MEGF11: variants seen among roughly 807,000 people sequenced by gnomAD.
MEGF11 encodes multiple epidermal growth factor-like domains protein 11.
In MEGF11, 126 loss-of-function variants were observed where a neutral mutation model predicts 146.6. The ratio of observed to expected loss-of-function variants is 0.86; its 90% CI spans 0.74 to 1.00. The LOEUF (loss-of-function observed/expected upper bound fraction) is 1.00, where lower values mean the gene tolerates loss of function less well. Ranked by LOEUF, MEGF11 falls within the 50% of genes least tolerant of loss-of-function variation. MEGF11 has a pLI of 0.00. For synonymous variants in MEGF11, 532 were observed against 583.4 expected (o/e 0.91, Z 1.27); for missense variants, 1,509 against 1,521.2 (o/e 0.99, Z 0.13).
Position 66,200,961 on chromosome 15 carries a change from T to C in MEGF11, c.-9+52644A>G, listed in dbSNP as rs574458334. Among the ~76,000 whole-genome samples the C allele has an allele frequency of 7.4e-4, 112 of 151,896 alleles. 1 individual carries two copies. Among genetic ancestry groups the C allele is most frequent in the African/African-American group, 2.6e-3 (108 of 41,402 alleles). ...AGCCCTCCCCACTGCCAAACAGAAG[T>C]ATTCAGACACGAGCCCAAGGCCAGA... On this transcript the variant is annotated intron_variant, in intron 1 of 25. Coordinates refer to ENST00000395614, the MANE Select transcript of MEGF11 (RefSeq NM_001385028.1).
intron 4 of MEGF11, among the ~76,000 whole-genome samples, chr15:66,096,442 G>A (rs2140704460): frequency 6.6e-6 from 1 of 152,390 alleles, no homozygotes; most frequent in East Asian, 1.9e-4. Flanking sequence ...TGGCCTCTCA[G>A]ACAGGGAGGA....
chr15:66,019,533 C>T (rs1201582963), intron 5 of MEGF11, among the ~76,000 whole-genome samples: 1 of 152,252 alleles, frequency 6.6e-6, no homozygotes, highest in East Asian at 1.9e-4. Flanking sequence ...CAGCACAAGC[C>T]TCTCCTCCAG....
chr15:65,973,679 TG>T (rs2081365105), intron 7 of MEGF11, among the ~76,000 whole-genome samples: 1 of 152,070 alleles, frequency 6.6e-6, no homozygotes, highest in African/African-American at 2.4e-5. Flanking sequence ...ATAACTCCAC[TG>T]GGAGGGTGGG....
chr15:65,912,031 G>A, intron 21 of MEGF11, 51 bp downstream of exon 21: 1 of 1,057,704 alleles, frequency 9.5e-7, no homozygotes, highest in Non-Finnish European at 1.2e-6. Flanking sequence ...CAGAGGTGAG[G>A]GTTAAATGAG....
At chr15:66,159,870 C>T (rs182453183) in intron 1 of MEGF11, among the ~76,000 whole-genome samples, 27 of 152,126 alleles carry the variant, frequency 1.8e-4, no homozygotes, top group Admixed American at 6.5e-4. Flanking sequence ...GAGGGTGCAG[C>T]GGTCACCACA....
intron 5 of MEGF11, among the ~76,000 whole-genome samples, chr15:66,039,981 G>A (rs1269394281): frequency 6.8e-6 from 1 of 146,166 alleles, no homozygotes; most frequent in Non-Finnish European, 1.5e-5. Context: ...GTGGGGTGAC[G>A]GTCCTGAGCC....
intron 9 of MEGF11, among the ~76,000 whole-genome samples, chr15:65,963,686 T>C (rs753590142): frequency 1.3e-5 from 2 of 152,226 alleles, no homozygotes; most frequent in Non-Finnish European, 2.9e-5. Context: ...GAATGAATGC[T>C]CAGGTCATGG....
At chr15:66,010,200 C>CT (rs112970231) in intron 5 of MEGF11, among the ~76,000 whole-genome samples, 127,702 of 137,538 alleles carry the variant, frequency 0.93, 59,720 homozygotes, top group East Asian at 1. Flanking sequence ...CTCATAATTT[C>CT]TTTTTTTTTT....
chr15:66,154,594 T>G (rs1248468731), intron 1 of MEGF11, among the ~76,000 whole-genome samples: 1 of 152,210 alleles, frequency 6.6e-6, no homozygotes, highest in Non-Finnish European at 1.5e-5. Flanking sequence ...TTACTGGGAT[T>G]GTATTTATTT....
intron 1 of MEGF11, among the ~76,000 whole-genome samples, chr15:66,170,219 T>C (rs566546009): frequency 6.6e-6 from 1 of 152,192 alleles, no homozygotes; most frequent in African/African-American, 2.4e-5. Context: ...AGAGCACCTG[T>C]GGAGGCCAGG....
At chr15:66,140,743 G>A (rs1287383611) in intron 1 of MEGF11, among the ~76,000 whole-genome samples, 1 of 152,196 alleles carries the variant, frequency 6.6e-6, no homozygotes, top group African/African-American at 2.4e-5. Flanking sequence ...AATAGGGGTG[G>A]GGAGTGAGGC....
At chr15:66,049,396 G>GATAGCA (rs1188981654) in intron 5 of MEGF11, among the ~76,000 whole-genome samples, 8 of 152,200 alleles carry the variant, frequency 5.3e-5, no homozygotes, top group Non-Finnish European at 1.2e-4. Flanking sequence ...CTAATTTACT[G>GATAGCA]ATAGCAATTA....
chr15:66,086,549 T>A (rs1328255502), intron 5 of MEGF11, among the ~76,000 whole-genome samples: 13 of 152,202 alleles, frequency 8.5e-5, no homozygotes, highest in Non-Finnish European at 1.9e-4. Flanking sequence ...GAATTTTGTA[T>A]CCAGCAAAAC....
chr15:66,133,344 G>C (rs1361301243), intron 1 of MEGF11, among the ~76,000 whole-genome samples: 1 of 152,200 alleles, frequency 6.6e-6, no homozygotes, highest in African/African-American at 2.4e-5. Context: ...TCATGAAAAG[G>C]CGCTTTCAGG....
chr15:66,251,802 C>G (rs1333134122), intron 1 of MEGF11, among the ~76,000 whole-genome samples: 2 of 152,238 alleles, frequency 1.3e-5, no homozygotes, highest in Admixed American at 6.5e-5. Context: ...GTTTGCTGAT[C>G]TGTGAGTGGG....
intron 5 of MEGF11, among the ~76,000 whole-genome samples, chr15:66,092,567 T>G (rs1567236415): frequency 6.6e-6 from 1 of 152,182 alleles, no homozygotes; most frequent in Admixed American, 6.5e-5. Flanking sequence ...AAATTCACTC[T>G]GGGGGGCAAG....
At chr15:66,011,720 CTATTATTATTAT>C (rs55863629) in intron 5 of MEGF11, among the ~76,000 whole-genome samples, 16 of 149,374 alleles carry the variant, frequency 1.1e-4, no homozygotes, top group South Asian at 4.3e-4. Flanking sequence ...GGGAATTTAG[CTATTATTATTAT>C]TATTATTATT....
At chr15:66,013,225 C>A (rs563674165) in intron 5 of MEGF11, among the ~76,000 whole-genome samples, 1 of 152,186 alleles carries the variant, frequency 6.6e-6, no homozygotes, top group Non-Finnish European at 1.5e-5. Flanking sequence ...TGGCCTCCAT[C>A]GTCAGTCAGG....
intron 16 of MEGF11, among the ~76,000 whole-genome samples, 170 bp downstream of exon 16, chr15:65,917,796 C>G (rs2079049852): frequency 6.6e-6 from 1 of 152,168 alleles, no homozygotes; most frequent in South Asian, 2.1e-4. Context: ...ATGATCAATC[C>G]TAATAATCCA....
Sources: allele counts gnomAD v4.1 joint callset (sites outside exome capture counted in the v4.1 genomes callset), GRCh38; gene constraint gnomAD v4.1.1; transcripts MANE v1.5; gene names NCBI Gene and HGNC (gene_info 2026-07-23, HGNC 2026-07-21).